USP26: variants seen among roughly 807,000 people sequenced by gnomAD.
The protein encoded by USP26 is ubiquitin specific peptidase 26, also known as ubiquitin carboxyl-terminal hydrolase 26.
For missense variants in USP26, 649 were observed against 642.3 expected (o/e 1.01, Z -0.11); for synonymous variants, 236 against 240.6 (o/e 0.98, Z 0.18).
intron 5 of USP26, among the ~76,000 whole-genome samples, chrX:133,078,976 A>T: frequency 8.9e-6 from 1 of 112,319 alleles, no homozygotes; most frequent in Middle Eastern, 4.7e-3. Context: ...AGAAACTTCC[A>T]GAAGAAATAT....
rs966443285 is a variant in USP26, at chrX:133,025,296, G to C, written c.*183C>G. ...AGGATGCTCATCAGCCAGAGCTATG[G>C]GATTGAGGTGTCTGTGTCAGGATTA... On this transcript the variant is annotated 3_prime_UTR_variant, in exon 6 of 6. Coordinates refer to ENST00000511190, the MANE Select transcript of USP26 (RefSeq NM_031907.3). The C allele has an allele frequency of 1.6e-6, 1 of 621,710 alleles. No homozygotes were observed. 51.2% of individuals were successfully genotyped at this position (621,710 alleles called of 1,213,427 possible).
chrX:133,055,244 C>T (rs1252548452), intron 5 of USP26, among the ~76,000 whole-genome samples: 1 of 111,572 alleles, frequency 9.0e-6, no homozygotes, highest in Non-Finnish European at 1.9e-5. Flanking sequence ...ATACACAGCA[C>T]TAGTTTCCTG....
chrX:133,037,810 AT>A (rs754780293), intron 5 of USP26, among the ~76,000 whole-genome samples: 1 of 111,266 alleles, frequency 9.0e-6, no homozygotes, highest in African/African-American at 3.3e-5. Flanking sequence ...TGAACATGGA[AT>A]TTTTTTTCCA....
intron 5 of USP26, among the ~76,000 whole-genome samples, chrX:133,079,916 T>G (rs1405821729): frequency 8.9e-6 from 1 of 111,817 alleles, no homozygotes; most frequent in East Asian, 2.8e-4. Context: ...CAAGACTTAC[T>G]AGATGATTTT....
Position 133,024,023 on chromosome X carries a change from G to C in USP26, c.*1456C>G, listed in dbSNP as rs1395219480. Reference sequence around the variant, plus strand: ...GTACAACAGATTCACTGCCTCAAAGGCAGGAAAAGGTTATGATAATAGTGG... The same window carrying C: ...GTACAACAGATTCACTGCCTCAAAGCCAGGAAAAGGTTATGATAATAGTGG... On this transcript the variant is annotated 3_prime_UTR_variant, in exon 6 of 6. Transcript: ENST00000511190. Among the ~76,000 whole-genome samples the C allele has an allele frequency of 1.8e-5, 2 of 111,828 alleles. No homozygotes were observed. The highest frequency in any genetic ancestry group is 3.8e-5 in the Non-Finnish European group (2 of 53,197).
rs182616807 is a variant in USP26, at chrX:133,065,572, T to C, written c.-77+18135A>G. On this transcript the variant is annotated intron_variant, in intron 5 of 5. Coordinates refer to ENST00000511190, the MANE Select transcript of USP26 (RefSeq NM_031907.3). ...CCTGGGATGCAAGGCTAGTTCAATA[T>C]ACCCAAAACAATAAATGTACTCCAT... 2.6e-3 allele frequency among the ~76,000 whole-genome samples: 291 copies of C among 111,937 alleles called. 1 individual carries two copies. Among genetic ancestry groups the C allele is most frequent in the Middle Eastern group, 4.6e-3 (1 of 219 alleles).
chrX:133,034,872 AT>A (rs1446781530), intron 5 of USP26, among the ~76,000 whole-genome samples: 2 of 111,334 alleles, frequency 1.8e-5, no homozygotes, highest in African/African-American at 3.3e-5. Flanking sequence ...AAAAAAAAAA[AT>A]ATTTAAAGTA....
chrX:133,084,280 C>G (rs190537647), intron 4 of USP26, among the ~76,000 whole-genome samples: 2 of 111,456 alleles, frequency 1.8e-5, no homozygotes, highest in Admixed American at 9.6e-5. Context: ...CTTACTGCAG[C>G]CTTAACCTCC....
intron 1 of USP26, among the ~76,000 whole-genome samples, chrX:133,092,352 A>C (rs1028711409): frequency 1.8e-5 from 2 of 111,999 alleles, no homozygotes; most frequent in African/African-American, 6.5e-5. Flanking sequence ...ACAGATAACA[A>C]ATTTTTGAAA....
intron 5 of USP26, among the ~76,000 whole-genome samples, chrX:133,045,151 G>T (rs975069685): frequency 1.1e-4 from 12 of 110,873 alleles, no homozygotes; most frequent in African/African-American, 4.0e-4. Flanking sequence ...TGAGCACTCT[G>T]TATCTAGCGC....
chrX:133,086,821 G>T (rs1453744507), intron 4 of USP26, among the ~76,000 whole-genome samples: 1 of 106,426 alleles, frequency 9.4e-6, no homozygotes, highest in Non-Finnish European at 1.9e-5. Context: ...GGCTGAGGCA[G>T]GAGAATTGCT....
At chrX:133,057,963 C>T (rs1490520276) in intron 5 of USP26, among the ~76,000 whole-genome samples, 11 of 88,593 alleles carry the variant, frequency 1.2e-4, no homozygotes, top group Admixed American at 3.9e-4. Flanking sequence ...CTGCAAGCTC[C>T]GCCTCCCGGG....
In USP26 at chrX:133,025,794, T is replaced by C; in HGVS notation, c.2427A>G (p.Lys809=). The change falls in exon 6 of 6, where the codon AAA becomes AAG. Residue 809 remains lysine, a synonymous_variant. Coordinates refer to ENST00000511190, the MANE Select transcript of USP26 (RefSeq NM_031907.3). ...NKDILDKIKS[K]AKETKRNDDK... is the part of the protein sequence containing the mutation. ...CATCATTTCTTTTTGTTTCCTTGGC[T>C]TTAGATTTTATCTTATCTAAAATGT... The C allele has an allele frequency of 1.7e-6, 2 of 1,211,174 alleles. No homozygotes were observed. The highest frequency in any genetic ancestry group is 2.2e-6 in the Non-Finnish European group (2 of 894,977).
At chrX:133,032,713 G>A (rs1440429926) in intron 5 of USP26, among the ~76,000 whole-genome samples, 1 of 111,823 alleles carries the variant, frequency 8.9e-6, no homozygotes, top group African/African-American at 3.3e-5. Context: ...AGGAAAATGG[G>A]AGCTGAAGGT....
Position 133,027,810 on chromosome X carries a change from C to A in USP26, c.411G>T (p.Glu137Asp), listed in dbSNP as rs759318948. ...INKTSFHKVD[E>D]KSSSKSFEIA... ...TCTCAAAAGATTTGCTACTTGATTTCTCATCAACTTTGTGGAATGAAGTTT... is the reference window on the plus strand; with the variant it reads ...TCTCAAAAGATTTGCTACTTGATTTATCATCAACTTTGTGGAATGAAGTTT... The change falls in exon 6 of 6, where the codon GAG becomes GAT. Residue 137 changes from glutamate to aspartate, a missense_variant. Glu to Asp is a conservative substitution (Grantham distance 45). Transcript: ENST00000511190. The A allele has an allele frequency of 7.4e-6, 9 of 1,209,065 alleles. No individual in the cohort carries two copies. The South Asian group carries it at 1.6e-4, about 21-fold the overall frequency.
In USP26 at chrX:133,025,734, A is replaced by T; in HGVS notation, c.2487T>A (p.Val829=). ...TTAGAGTCTTCCCAAGATGGCTGAC[A>T]ACACTAATGAGCCGGTAGGTATGAT... ...KGDHTYRLIS[V]VSHLGKTLKS... The change falls in exon 6 of 6, where the codon GTT becomes GTA. Residue 829 remains valine (V), a synonymous_variant. Transcript: ENST00000511190. The T allele has an allele frequency of 8.3e-7, 1 of 1,210,883 alleles. No homozygotes were observed. The highest frequency in any genetic ancestry group is 1.1e-6 in the Non-Finnish European group (1 of 894,617).
chrX:133,029,467 G>A (rs769473183), intron 5 of USP26, among the ~76,000 whole-genome samples: 1 of 112,124 alleles, frequency 8.9e-6, no homozygotes. Flanking sequence ...TAAGAGAATG[G>A]TTATATTTTT....
chrX:133,077,157 G>A (rs892958553), intron 5 of USP26, among the ~76,000 whole-genome samples: 2 of 111,520 alleles, frequency 1.8e-5, no homozygotes, highest in Non-Finnish European at 3.8e-5. Context: ...ACTTTCCCCT[G>A]TGTCCATTTA....
chrX:133,082,042 A>G (rs1807921360), intron 5 of USP26, among the ~76,000 whole-genome samples: 1 of 111,732 alleles, frequency 8.9e-6, no homozygotes, highest in Admixed American at 9.5e-5. Flanking sequence ...AAAGTCCCAG[A>G]CCTGTGATAT....
Sources: gnomAD v4.1 joint callset for allele counts (sites outside exome capture counted in the v4.1 genomes callset) on GRCh38, gnomAD v4.1.1 for gene constraint, MANE v1.5 for transcripts, NCBI Gene and HGNC (gene_info 2026-07-23, HGNC 2026-07-21) for gene names.